SLC26A7: variants seen among roughly 807,000 people sequenced by gnomAD.
The protein encoded by SLC26A7 is anion exchange transporter.
A neutral mutation model predicts 82.5 loss-of-function variants in SLC26A7; 59 were observed. The ratio of observed to expected loss-of-function variants is 0.72; its 90% confidence interval spans 0.58 to 0.89. The LOEUF (loss-of-function observed/expected upper bound fraction) is 0.89. SLC26A7 is among the 40% of genes least tolerant of loss of function. The probability of loss-of-function intolerance (pLI) is 0.00; values close to 1 mark genes in which losing one functional copy is unlikely to be tolerated. For missense variants in SLC26A7, 820 were observed against 793.0 expected (o/e 1.03, Z -0.41); for synonymous variants, 271 against 274.3 (o/e 0.99, Z 0.12).
chr8:91,380,170 C>T (rs1055380390), intron 15 of SLC26A7, among the ~76,000 whole-genome samples: 1 of 152,006 alleles, frequency 6.6e-6, no homozygotes, highest in Admixed American at 6.5e-5. Flanking sequence ...TATAGGGCAA[C>T]AAGAAGTCTC....
intron 11 of SLC26A7, among the ~76,000 whole-genome samples, chr8:91,358,488 C>T (rs553626577): frequency 3.3e-4 from 50 of 151,996 alleles, no homozygotes; most frequent in Non-Finnish European, 6.0e-4. Context: ...CGCCACCAGG[C>T]CTGGCTAATT....
At chr8:91,345,224 G>A (rs1358790390) in intron 9 of SLC26A7, among the ~76,000 whole-genome samples, 2 of 152,090 alleles carry the variant, frequency 1.3e-5, no homozygotes, top group African/African-American at 4.8e-5. Context: ...TGGGATTACA[G>A]GTATGAGCTA....
upstream of SLC26A7, among the ~76,000 whole-genome samples, chr8:91,247,394 A>ATG (rs370190399): frequency 4.0e-3 from 616 of 152,264 alleles, 1 homozygote; most frequent in African/African-American, 0.014. Context: ...TGAGAATCTT[A>ATG]TGTGTGTGAA....
At chr8:91,388,994 T>A (rs1814879680) in intron 15 of SLC26A7, among the ~76,000 whole-genome samples, 1 of 152,180 alleles carries the variant, frequency 6.6e-6, no homozygotes, top group African/African-American at 2.4e-5. Flanking sequence ...TCTAGAGACT[T>A]TGCTTCTGTC....
chr8:91,277,180 C>T (rs1469268683), intron 2 of SLC26A7, among the ~76,000 whole-genome samples: 1 of 152,176 alleles, frequency 6.6e-6, no homozygotes. Context: ...ATAAACTGCA[C>T]ACTTTCAAAA....
chr8:91,323,988 G>A (rs1423379291), intron 5 of SLC26A7, among the ~76,000 whole-genome samples: 2 of 151,856 alleles, frequency 1.3e-5, no homozygotes, highest in Admixed American at 6.6e-5. Flanking sequence ...AACCACGCCT[G>A]GGTAATTTTT....
intron 6 of SLC26A7, among the ~76,000 whole-genome samples, chr8:91,337,763 G>GA (rs1563686383): frequency 6.6e-6 from 1 of 152,196 alleles, no homozygotes; most frequent in Admixed American, 6.5e-5. Flanking sequence ...GTCATGGAGA[G>GA]AAAATGTGCT....
At chr8:91,338,085 G>A (rs1775504905) in intron 6 of SLC26A7, 65 bp from the exon 7 acceptor site, 1 of 1,086,214 alleles carries the variant, frequency 9.2e-7, no homozygotes, top group Admixed American at 2.6e-5. Flanking sequence ...TTTAAAAATT[G>A]TTTTAAGGTG....
chr8:91,263,330 C>A (rs1239666443), intron 2 of SLC26A7, among the ~76,000 whole-genome samples: 2 of 152,068 alleles, frequency 1.3e-5, no homozygotes, highest in South Asian at 2.1e-4. Flanking sequence ...TATTTATGAC[C>A]ATGCTGCCTT....
intron 4 of SLC26A7, among the ~76,000 whole-genome samples, chr8:91,303,971 T>C (rs79902914): frequency 0.03 from 4,635 of 152,342 alleles, 97 homozygotes; most frequent in African/African-American, 0.051. Flanking sequence ...TTTCCATCTG[T>C]GTTTGTACCT....
At chr8:91,357,012 A>G (rs1388391236) in intron 11 of SLC26A7, among the ~76,000 whole-genome samples, 3 of 152,144 alleles carry the variant, frequency 2.0e-5, no homozygotes, top group African/African-American at 7.2e-5. Flanking sequence ...TCATCTCTCC[A>G]TTCTTCATCT....
At chr8:91,231,326 A>G (rs1001365202) in intron 2 of SLC26A7, among the ~76,000 whole-genome samples, 5 of 152,180 alleles carry the variant, frequency 3.3e-5, no homozygotes, top group Non-Finnish European at 5.9e-5. Context: ...GTTTTAGACT[A>G]GTCTTATATG....
At chr8:91,335,292 A>T (rs954812955) in intron 6 of SLC26A7, among the ~76,000 whole-genome samples, 1 of 152,082 alleles carries the variant, frequency 6.6e-6, no homozygotes, top group African/African-American at 2.4e-5. Context: ...TAAGGCTACG[A>T]CTCATTTCTA....
intron 2 of SLC26A7, among the ~76,000 whole-genome samples, chr8:91,237,447 CCTCT>C (rs1380683563): frequency 6.6e-6 from 1 of 152,170 alleles, no homozygotes; most frequent in Non-Finnish European, 1.5e-5. Flanking sequence ...CAATTTCTTT[CCTCT>C]CTATTTCAGA....
intron 2 of SLC26A7, among the ~76,000 whole-genome samples, chr8:91,285,702 T>C (rs2130759965): frequency 6.6e-6 from 1 of 152,348 alleles, no homozygotes; most frequent in Non-Finnish European, 1.5e-5. Context: ...TATTTGAAGC[T>C]CCATAACCAA....
intron 15 of SLC26A7, among the ~76,000 whole-genome samples, chr8:91,380,848 T>C (rs1177858036): frequency 6.6e-6 from 1 of 152,184 alleles, no homozygotes; most frequent in Admixed American, 6.5e-5. Flanking sequence ...ATATTCACAA[T>C]AATATTGTTT....
chr8:91,350,890 T>A (rs1167328846), intron 9 of SLC26A7, among the ~76,000 whole-genome samples: 1 of 152,132 alleles, frequency 6.6e-6, no homozygotes, highest in African/African-American at 2.4e-5. Context: ...TGTTTCAGAG[T>A]AGCTGTACCA....
chr8:91,375,823 G>A (rs1814500680), intron 15 of SLC26A7, among the ~76,000 whole-genome samples: 3 of 151,924 alleles, frequency 2.0e-5, no homozygotes, highest in South Asian at 4.1e-4. Flanking sequence ...TTGCTAAAAT[G>A]TGTTTTTCAA....
At chr8:91,249,505 C>G (rs1350271503) in intron 1 of SLC26A7, 34 bp from the exon 2 acceptor site, 4 of 502,238 alleles carry the variant, frequency 8.0e-6, no homozygotes, top group Non-Finnish European at 1.3e-5. Context: ...ATCTCTCTCT[C>G]TCTCTCTCTT....
Sources: allele counts gnomAD v4.1 joint callset (sites outside exome capture counted in the v4.1 genomes callset), GRCh38; gene constraint gnomAD v4.1.1; transcripts MANE v1.5; gene names NCBI Gene and HGNC (gene_info 2026-07-23, HGNC 2026-07-21).